Variants in DIS3L2 observed in about 807,000 individuals in gnomAD.
The protein encoded by DIS3L2 is DIS3 like 3'-5' exoribonuclease 2.
In DIS3L2, 34 loss-of-function variants were observed where a neutral mutation model predicts 97.5. The observed-to-expected ratio is 0.35, with a 90% confidence interval of 0.27 to 0.46. The LOEUF (loss-of-function observed/expected upper bound fraction) is 0.46, where lower values mean the gene tolerates loss of function less well. Among genes scored for constraint, DIS3L2 ranks in the 20% least tolerant of loss-of-function variants. DIS3L2 has a pLI of 1.00. For synonymous variants in DIS3L2, 435 were observed against 445.2 expected, an observed-to-expected ratio of 0.98 and a Z score of 0.29; for missense variants, 1,038 against 1,146.0, an observed-to-expected ratio of 0.91 and a Z score of 1.36.
At chr2:232,308,438 T>G (rs1695040007) in intron 14 of DIS3L2, among the ~76,000 whole-genome samples, 1 of 152,222 alleles carries the variant, frequency 6.6e-6, no homozygotes, top group South Asian at 2.1e-4. Flanking sequence ...CAGGTTAGTT[T>G]GCTAAACTTA....
chr2:232,333,123 G>C (rs58551129), intron 16 of DIS3L2, among the ~76,000 whole-genome samples: 29,166 of 140,362 alleles, frequency 0.21, 3,950 homozygotes, highest in East Asian at 0.47. Flanking sequence ...TGTCCTCCTC[G>C]ACCACCACCA....
chr2:232,103,081 G>C (rs1183629992), intron 6 of DIS3L2, among the ~76,000 whole-genome samples: 2 of 152,082 alleles, frequency 1.3e-5, no homozygotes, highest in African/African-American at 4.8e-5. Context: ...TTGTTTTTAT[G>C]AACCTCCTGT....
intron 11 of DIS3L2, among the ~76,000 whole-genome samples, chr2:232,241,546 AT>A (rs1311331386): frequency 1.3e-5 from 2 of 152,214 alleles, no homozygotes; most frequent in Admixed American, 1.3e-4. Flanking sequence ...TTTTGTTGAG[AT>A]TTTGCTCACA....
chr2:232,251,141 G>A (rs972760309), intron 12 of DIS3L2, among the ~76,000 whole-genome samples: 11 of 152,184 alleles, frequency 7.2e-5, no homozygotes, highest in Non-Finnish European at 1.3e-4. Context: ...GGGCTCTTAA[G>A]TATATGTGTA....
At chr2:232,028,383 T>G (rs963082676) in intron 4 of DIS3L2, among the ~76,000 whole-genome samples, 5 of 152,170 alleles carry the variant, frequency 3.3e-5, no homozygotes, top group Non-Finnish European at 5.9e-5. Context: ...GTCTTTAAAG[T>G]AAGAGATTCA....
intron 14 of DIS3L2, among the ~76,000 whole-genome samples, chr2:232,328,195 C>A (rs1440985933): frequency 6.6e-6 from 1 of 152,182 alleles, no homozygotes; most frequent in African/African-American, 2.4e-5. Context: ...GGTAGAAGGG[C>A]AGGCTGAAGC....
chr2:232,167,245 A>C (rs1218446050), intron 9 of DIS3L2, among the ~76,000 whole-genome samples: 1 of 152,168 alleles, frequency 6.6e-6, no homozygotes, highest in Admixed American at 6.5e-5. Context: ...AAAACTATAC[A>C]TGAATTTACT....
At chr2:232,081,868 C>T (rs988373533) in intron 5 of DIS3L2, among the ~76,000 whole-genome samples, 2 of 152,236 alleles carry the variant, frequency 1.3e-5, no homozygotes, top group Non-Finnish European at 2.9e-5. Flanking sequence ...TGGCTCACTG[C>T]AACTTTTGCC....
At chr2:232,214,551 G>C (rs576429728) in intron 10 of DIS3L2, among the ~76,000 whole-genome samples, 9 of 152,076 alleles carry the variant, frequency 5.9e-5, no homozygotes, top group African/African-American at 2.2e-4. Flanking sequence ...ATATTCTTTG[G>C]TGTCCAGTGG....
chr2:232,289,058 C>T (rs1323321374), intron 13 of DIS3L2, among the ~76,000 whole-genome samples: 2 of 151,950 alleles, frequency 1.3e-5, no homozygotes, highest in East Asian at 1.9e-4. Flanking sequence ...AGTCGTCCTG[C>T]TTGGTGGCGT....
intron 5 of DIS3L2, among the ~76,000 whole-genome samples, chr2:232,057,990 G>A (rs1434317788): frequency 6.6e-6 from 1 of 152,148 alleles, no homozygotes; most frequent in African/African-American, 2.4e-5. Context: ...AAAAATTAAT[G>A]GCATTCCTCT....
intron 11 of DIS3L2, among the ~76,000 whole-genome samples, chr2:232,244,869 A>G (rs1693206719): frequency 6.6e-6 from 1 of 152,170 alleles, no homozygotes; most frequent in Non-Finnish European, 1.5e-5. Context: ...TCATGGAGGT[A>G]AGAACTAAGA....
chr2:232,017,678 C>G (rs959619679), intron 3 of DIS3L2, among the ~76,000 whole-genome samples: 2 of 152,162 alleles, frequency 1.3e-5, no homozygotes, highest in African/African-American at 4.8e-5. Context: ...GTCTTTTCCT[C>G]TAAAAACTGT....
intron 5 of DIS3L2, among the ~76,000 whole-genome samples, chr2:232,036,635 G>T (rs1054620132): frequency 1.3e-5 from 2 of 152,174 alleles, no homozygotes; most frequent in Non-Finnish European, 1.5e-5. Context: ...TTTTGTACTG[G>T]TTTTTCCTCA....
intron 14 of DIS3L2, among the ~76,000 whole-genome samples, chr2:232,305,692 C>T (rs1021112249): frequency 2.6e-5 from 4 of 152,042 alleles, no homozygotes; most frequent in Non-Finnish European, 5.9e-5. Flanking sequence ...CAGTGGCTCA[C>T]GCCTGTAATC....
chr2:231,983,917 T>C lies in DIS3L2; in HGVS notation c.-94+22152T>C, dbSNP rs1295591591. 2.0e-5 allele frequency among the ~76,000 whole-genome samples: 3 copies of C among 151,262 alleles called. No individual in the cohort carries two copies. In the East Asian group the frequency reaches 5.8e-4, roughly 29 times the overall value. On this transcript the variant is annotated intron_variant, in intron 1 of 20. Coordinates refer to ENST00000325385, the MANE Select transcript of DIS3L2 (RefSeq NM_152383.5). The stretch of plus-strand genomic sequence containing the variant: ...AAAAAAAAAAAAGAAAAGAATTAAA[T>C]GTAGTATAAGTGGAACAAAGTTCTT...
At chr2:232,171,953 C>G (rs1288034199) in intron 9 of DIS3L2, among the ~76,000 whole-genome samples, 1 of 152,194 alleles carries the variant, frequency 6.6e-6, no homozygotes, top group South Asian at 2.1e-4. Context: ...AATTTATTCC[C>G]TAGAAATATT....
At chr2:232,218,623 C>G (rs184744767) in intron 10 of DIS3L2, among the ~76,000 whole-genome samples, 3 of 152,316 alleles carry the variant, frequency 2.0e-5, no homozygotes, top group Admixed American at 1.3e-4. Context: ...CCTGTTTCTT[C>G]TCCGCCTCTT....
chr2:232,260,350 T>A (rs183991893), intron 12 of DIS3L2: 1 of 152,410 alleles, frequency 6.6e-6, no homozygotes, highest in East Asian at 1.9e-4. Flanking sequence ...AATGTGGATG[T>A]GCGAAGAGGA....
Sources: gnomAD v4.1 joint callset for allele counts (sites outside exome capture counted in the v4.1 genomes callset) on GRCh38, gnomAD v4.1.1 for gene constraint, MANE v1.5 for transcripts, NCBI Gene and HGNC (gene_info 2026-07-23, HGNC 2026-07-21) for gene names.